Variants in C7 observed in about 807,000 individuals in gnomAD.
C7 encodes complement C7, also known as complement component C7.
Under a neutral mutation model 104.8 loss-of-function variants are expected in C7, and 83 were observed. That is an observed-to-expected ratio of 0.79 (90% CI 0.66 to 0.95). C7 has a LOEUF of 0.95. Among genes scored for constraint, C7 ranks in the 40% least tolerant of loss-of-function variants. The pLI, the probability that C7 is intolerant of heterozygous loss-of-function variation, is 0.00. For synonymous variants in C7, 415 were observed against 360.6 expected (o/e 1.15, Z -1.71); for missense variants, 1,070 against 1,011.2 (o/e 1.06, Z -0.79).
chr5:40,968,073 CA>C (rs1232011444), intron 14 of C7, among the ~76,000 whole-genome samples: 2 of 151,966 alleles, frequency 1.3e-5, no homozygotes, highest in East Asian at 1.9e-4. Context: ...TTTTTAACAT[CA>C]TTTTTTTGTT....
chr5:40,965,639 TATATA>T (rs1561255866), intron 14 of C7, among the ~76,000 whole-genome samples: 17 of 80,392 alleles, frequency 2.1e-4, no homozygotes, highest in East Asian at 1.6e-3. Flanking sequence ...TATATATATA[TATATA>T]TATATTTTTT....
At chr5:40,968,583 T>G (rs1561257318) in intron 14 of C7, among the ~76,000 whole-genome samples, 2 of 47,710 alleles carry the variant, frequency 4.2e-5, no homozygotes, top group East Asian at 6.1e-4. Flanking sequence ...TATATATATA[T>G]ATATATATAT....
intron 1 of C7, among the ~76,000 whole-genome samples, chr5:40,912,117 A>T (rs1021712139): frequency 3.3e-5 from 5 of 152,038 alleles, no homozygotes; most frequent in African/African-American, 7.2e-5. Flanking sequence ...ACTGTCATTC[A>T]CATGATTTAT....
intron 3 of C7, among the ~76,000 whole-genome samples, chr5:40,932,736 G>A (rs3792640): frequency 0.18 from 27,743 of 152,152 alleles, 2,731 homozygotes; most frequent in East Asian, 0.32. Context: ...ATCATTTAAA[G>A]AGAAGAAAGA....
Position 40,964,824 on chromosome 5 carries a change from C to T in C7, c.1833C>T (p.Ala611=). 6.2e-7 allele frequency: 1 copy of T among 1,613,630 alleles called. No individual in the cohort carries two copies. The highest frequency in any genetic ancestry group is 8.5e-7 in the Non-Finnish European group (1 of 1,179,734). ...EGYSLIGNPV[A]RCGEDLRWLV... ...ACTCTCTTATTGGAAACCCAGTGGC[C>T]AGATGTGGAGAAGATTTACGGTGGC... The change falls in exon 14 of 18, where the codon GCC becomes GCT. Residue 611 remains alanine, a synonymous_variant. Transcript: ENST00000313164.
chr5:40,936,202 C>A, intron 4 of C7, 136 bp from the exon 5 acceptor site: 1 of 668,130 alleles, frequency 1.5e-6, no homozygotes, highest in East Asian at 2.8e-5. Context: ...TTCCGAGACA[C>A]TCTGAGGATT....
intron 1 of C7, among the ~76,000 whole-genome samples, chr5:40,924,603 C>T (rs1739513794): frequency 6.6e-6 from 1 of 152,146 alleles, no homozygotes; most frequent in Non-Finnish European, 1.5e-5. Context: ...CCTGTGAGGG[C>T]TCCACCCCTA....
chr5:40,964,825 A>C lies in C7; in HGVS notation c.1834A>C (p.Arg612=). Residue 612 remains arginine, a synonymous_variant, in exon 14 of 18, where the codon AGA becomes CGA. Transcript: ENST00000313164. ...CTCTCTTATTGGAAACCCAGTGGCC[A>C]GATGTGGAGAAGATTTACGGTGGCT... ...GYSLIGNPVA[R]CGEDLRWLVG... 1 of 1,613,834 alleles carries C rather than the reference A, an allele frequency of 6.2e-7. No homozygotes were observed. The highest frequency in any genetic ancestry group is 8.5e-7 in the Non-Finnish European group (1 of 1,179,746).
chr5:40,936,752 A>C (rs1370088970), intron 5 of C7, among the ~76,000 whole-genome samples: 1 of 152,092 alleles, frequency 6.6e-6, no homozygotes, highest in Non-Finnish European at 1.5e-5. Context: ...CCTCAGGCCC[A>C]GGGAAACCTG....
intron 6 of C7, among the ~76,000 whole-genome samples, chr5:40,943,999 T>C (rs1314838870): frequency 6.6e-6 from 1 of 152,234 alleles, no homozygotes; most frequent in Non-Finnish European, 1.5e-5. Flanking sequence ...ATACCTGTCT[T>C]CTTATTTAAT....
At chr5:40,973,501 G>A (rs3828510) in intron 15 of C7, among the ~76,000 whole-genome samples, 34,699 of 152,154 alleles carry the variant, frequency 0.23, 4,233 homozygotes, top group South Asian at 0.4. Flanking sequence ...CCATGCGACA[G>A]GGTATGGAGC....
Position 40,979,770 on chromosome 5 carries a change from A to G in C7, c.2211A>G (p.Ile737Met), listed in dbSNP as rs771281677. 2 of 1,613,684 alleles carry G rather than the reference A, an allele frequency of 1.2e-6. No homozygotes were observed. Among genetic ancestry groups the G allele is most frequent in the Non-Finnish European group, 1.7e-6 (2 of 1,179,650 alleles). The change falls in exon 17 of 18, where the codon ATA becomes ATG. Residue 737 changes from isoleucine to methionine, a missense_variant. Transcript: ENST00000313164. ...VCAQDERSKR[I>M]LPLTVCKMHV... ...CTCAAGATGAGAGAAGCAAAAGGAT[A>G]CTGCCTCTGACAGTTTGCAAGATGC...
At chr5:40,929,086 C>G (rs1404208978) in intron 2 of C7, among the ~76,000 whole-genome samples, 1 of 152,140 alleles carries the variant, frequency 6.6e-6, no homozygotes, top group African/African-American at 2.4e-5. Flanking sequence ...TTGTTATGCT[C>G]TCACTGTGTC....
At chr5:40,939,151 C>A (rs796251964) in intron 6 of C7, among the ~76,000 whole-genome samples, 17 of 152,332 alleles carry the variant, frequency 1.1e-4, no homozygotes, top group African/African-American at 3.8e-4. Flanking sequence ...CCCAAATTAA[C>A]CTTCTCCAGA....
chr5:40,951,672 G>A (rs1240872982), intron 9 of C7, among the ~76,000 whole-genome samples: 1 of 152,156 alleles, frequency 6.6e-6, no homozygotes, highest in East Asian at 1.9e-4. Flanking sequence ...TATGGTAGGG[G>A]TGTAAGTGAG....
intron 12 of C7, among the ~76,000 whole-genome samples, chr5:40,961,419 CTG>C (rs1398403284): frequency 6.6e-6 from 1 of 151,182 alleles, no homozygotes; most frequent in Non-Finnish European, 1.5e-5. Flanking sequence ...GGGTCTCACT[CTG>C]TCACCCAGGC....
chr5:40,931,778 G>C (rs994844991), intron 3 of C7, among the ~76,000 whole-genome samples: 1 of 151,858 alleles, frequency 6.6e-6, no homozygotes, highest in Admixed American at 6.6e-5. Context: ...TTTTGTTTTT[G>C]AGTCGGAGTC....
intron 1 of C7, among the ~76,000 whole-genome samples, chr5:40,910,247 A>T (rs939067562): frequency 1.7e-4 from 26 of 152,334 alleles, no homozygotes; most frequent in African/African-American, 5.8e-4. Context: ...AAAAGATAAG[A>T]CCAAAGATAG....
In C7 at chr5:40,909,606, C is replaced by T; in HGVS notation, c.-5C>T. On this transcript the variant is annotated 5_prime_UTR_variant, in exon 1 of 18. An upstream open reading frame in the 5' UTR gains an earlier in-frame stop. Coordinates refer to ENST00000313164, the MANE Select transcript of C7 (RefSeq NM_000587.4). ...CTCTCTTCTGCCCTGAATGTTTTCC[C>T]AAACATGAAGGTAAGACAATAAATT... The T allele has an allele frequency of 6.4e-7, 1 of 1,564,674 alleles. No individual in the cohort carries two copies. Among genetic ancestry groups the T allele is most frequent in the South Asian group, 1.2e-5 (1 of 84,882 alleles).
Sources: allele counts gnomAD v4.1 joint callset (sites outside exome capture counted in the v4.1 genomes callset), GRCh38; gene constraint gnomAD v4.1.1; transcripts MANE v1.5; gene names NCBI Gene and HGNC (gene_info 2026-07-23, HGNC 2026-07-21).